Variants in BCAR3 observed in about 807,000 individuals in gnomAD.
The protein encoded by BCAR3 is BCAR3 adaptor protein, NSP family member, also known as breast cancer anti-estrogen resistance protein 3.
In BCAR3, 37 loss-of-function variants were observed where a neutral mutation model predicts 80.1. The observed-to-expected ratio is 0.46, with a 90% CI of 0.36 to 0.61. The LOEUF (loss-of-function observed/expected upper bound fraction) is 0.61. Among genes scored for constraint, BCAR3 ranks in the 20% least tolerant of loss-of-function variants. The pLI is 0.00. For missense variants in BCAR3, 978 were observed against 1,068.2 expected (o/e 0.92, Z 1.18); for synonymous variants, 389 against 418.9 (o/e 0.93, Z 0.87).
chr1:93,790,606 CTT>C (rs1298547674), intron 2 of BCAR3, among the ~76,000 whole-genome samples: 4 of 122,010 alleles, frequency 3.3e-5, no homozygotes, highest in African/African-American at 1.5e-4. Context: ...ATCTAAAACA[CTT>C]ATAGTCTTTT....
At chr1:93,566,131 C>T (rs1672941324) in intron 11 of BCAR3, among the ~76,000 whole-genome samples, 1 of 152,192 alleles carries the variant, frequency 6.6e-6, no homozygotes. Context: ...CCCAGCTGCA[C>T]CTCCCTCTGT....
chr1:93,616,128 T>C (rs1369434940), intron 3 of BCAR3, among the ~76,000 whole-genome samples: 6 of 152,216 alleles, frequency 3.9e-5, no homozygotes, highest in Non-Finnish European at 7.3e-5. Flanking sequence ...TAGGTCACTG[T>C]GGTATCACAG....
intron 9 of BCAR3, among the ~76,000 whole-genome samples, chr1:93,570,341 C>T (rs759128402): frequency 6.6e-6 from 1 of 152,130 alleles, no homozygotes; most frequent in Non-Finnish European, 1.5e-5. Context: ...AACAGCCAAG[C>T]CGAGTGACCA....
At chr1:93,807,193 C>CCT (rs1557694613) in intron 2 of BCAR3, among the ~76,000 whole-genome samples, 1 of 151,944 alleles carries the variant, frequency 6.6e-6, no homozygotes, top group African/African-American at 2.4e-5. Context: ...AGGAAAGCCT[C>CCT]CTCTCCATCC....
chr1:93,613,131 G>T (rs1469347406), intron 3 of BCAR3, among the ~76,000 whole-genome samples: 3 of 152,174 alleles, frequency 2.0e-5, no homozygotes, highest in Admixed American at 2.0e-4. Context: ...CCGCAGTCAG[G>T]CTGGGGCCGA....
intron 2 of BCAR3, among the ~76,000 whole-genome samples, chr1:93,820,735 G>A (rs998109933): frequency 8.5e-5 from 13 of 152,106 alleles, no homozygotes; most frequent in Middle Eastern, 3.2e-3. Context: ...AAATCAGGGG[G>A]CATTGGTGAT....
intron 3 of BCAR3, among the ~76,000 whole-genome samples, chr1:93,697,524 C>A (rs1649460088): frequency 6.6e-6 from 1 of 152,160 alleles, no homozygotes; most frequent in African/African-American, 2.4e-5. Flanking sequence ...CTGCCATCAG[C>A]CTTGGATAGG....
Position 93,674,903 on chromosome 1 carries a change from G to A in BCAR3, c.28C>T (p.Pro10Ser). 14 of 1,562,990 alleles carry A rather than the reference G, an allele frequency of 9.0e-6. No individual in the cohort carries two copies. The highest frequency in any genetic ancestry group is 1.1e-5 in the Non-Finnish European group (13 of 1,161,838). Residue 10 changes from proline (P) to serine (S), a missense_variant, in exon 2 of 12, where the codon CCC (proline) becomes TCC (serine). Transcript: ENST00000260502. Reference sequence around the variant, plus strand: ...TGGTGATTCACCGGCATGTTTCTGGGAAGGCTTGCAAATTTTCCTGCAGCC... The same window carrying A: ...TGGTGATTCACCGGCATGTTTCTGGAAAGGCTTGCAAATTTTCCTGCAGCC... The part of the protein sequence containing the change: MAAGKFASL[P>S]RNMPVNHQFP...
intron 2 of BCAR3, among the ~76,000 whole-genome samples, chr1:93,817,685 G>A (rs6681001): frequency 0.14 from 21,372 of 152,038 alleles, 2,434 homozygotes; most frequent in African/African-American, 0.3. Context: ...CTCCTTCCCT[G>A]TAAGTCTCTG....
intron 2 of BCAR3, chr1:93,845,502 A>ATATATATATCTTGTCAAG: frequency 8.8e-6 from 1 of 113,820 alleles, no homozygotes; most frequent in Non-Finnish European, 1.8e-5. Flanking sequence ...ATATATATAT[A>ATATATATATCTTGTCAAG]AAACTTTGTT....
intron 9 of BCAR3, 82 bp downstream of exon 9, chr1:93,571,588 C>T (rs747765089): frequency 6.5e-7 from 1 of 1,541,038 alleles, no homozygotes. Context: ...TTGAGATTGA[C>T]TAAAATAGTC....
intron 2 of BCAR3, among the ~76,000 whole-genome samples, chr1:93,708,184 T>A (rs1051602235): frequency 1.3e-5 from 2 of 152,050 alleles, no homozygotes; most frequent in Non-Finnish European, 2.9e-5. Context: ...GAGAAAAGAG[T>A]AAGTTGAGAA....
intron 3 of BCAR3, among the ~76,000 whole-genome samples, chr1:93,633,539 C>T (rs891294607): frequency 6.6e-6 from 1 of 152,216 alleles, no homozygotes; most frequent in African/African-American, 2.4e-5. Flanking sequence ...TCCATCTCAT[C>T]AAGGGTCTGG....
intron 3 of BCAR3, among the ~76,000 whole-genome samples, chr1:93,641,339 C>A (rs1327798230): frequency 6.6e-6 from 1 of 152,180 alleles, no homozygotes; most frequent in Non-Finnish European, 1.5e-5. Flanking sequence ...TGCCTACATA[C>A]TCTGAAACTA....
At chr1:93,659,961 G>T (rs535212166) in intron 2 of BCAR3, among the ~76,000 whole-genome samples, 36 of 152,114 alleles carry the variant, frequency 2.4e-4, no homozygotes, top group Admixed American at 6.5e-4. Flanking sequence ...TCCCTTACTG[G>T]ACTATGAGCT....
chr1:93,676,031 G>C (rs1425178419), intron 1 of BCAR3, among the ~76,000 whole-genome samples: 1 of 151,334 alleles, frequency 6.6e-6, no homozygotes, highest in Non-Finnish European at 1.5e-5. Flanking sequence ...CAGCACTGCA[G>C]GGTGGCCAAG....
At chr1:93,620,385 T>C (rs1413405529) in intron 3 of BCAR3, among the ~76,000 whole-genome samples, 1 of 152,086 alleles carries the variant, frequency 6.6e-6, no homozygotes, top group African/African-American at 2.4e-5. Flanking sequence ...ATGTTAGGAG[T>C]TGTTTAACAG....
At chr1:93,710,850 G>A (rs769097637) in intron 2 of BCAR3, among the ~76,000 whole-genome samples, 4 of 152,192 alleles carry the variant, frequency 2.6e-5, no homozygotes, top group East Asian at 1.9e-4. Context: ...ATGAGTCTGG[G>A]AGCAGCTTAG....
chr1:93,807,419 G>A (rs779328915), intron 2 of BCAR3, among the ~76,000 whole-genome samples: 25 of 152,186 alleles, frequency 1.6e-4, no homozygotes, highest in Non-Finnish European at 3.1e-4. Flanking sequence ...AGAATGATGG[G>A]TGTGGGAGTA....
Sources: gnomAD v4.1 joint callset for allele counts (sites outside exome capture counted in the v4.1 genomes callset) on GRCh38, gnomAD v4.1.1 for gene constraint, MANE v1.5 for transcripts, NCBI Gene and HGNC (gene_info 2026-07-23, HGNC 2026-07-21) for gene names.